RIT2: variants seen among roughly 807,000 people sequenced by gnomAD.
The protein encoded by RIT2 is GTP-binding protein Rit2.
RIT2 carries 24 observed loss-of-function variants against 23.7 expected under a neutral mutation model. The observed-to-expected ratio is 1.01, with a 90% CI of 0.73 to 1.43. The LOEUF is 1.43. Among genes scored for constraint, RIT2 ranks in the 40% most tolerant of loss-of-function variants. RIT2 has a pLI of 0.00. For synonymous variants in RIT2, 107 were observed against 91.1 expected, an observed-to-expected ratio of 1.17 and a Z score of -0.99; for missense variants, 236 against 266.9, an observed-to-expected ratio of 0.88 and a Z score of 0.81.
At chr18:42,906,000 ATATATACATATATATATATATG>A (rs1463367034) in intron 4 of RIT2, among the ~76,000 whole-genome samples, 256 of 1,970 alleles carry the variant, frequency 0.13, no homozygotes, top group African/African-American at 0.29. Flanking sequence ...ATGTATATAT[ATATATACATATATATATATATG>A]TATATATATA....
At chr18:43,025,635 T>C (rs1911699679) in intron 2 of RIT2, among the ~76,000 whole-genome samples, 1 of 152,090 alleles carries the variant, frequency 6.6e-6, no homozygotes, top group African/African-American at 2.4e-5. Context: ...CATATATATA[T>C]ATGCCATGAA....
intron 4 of RIT2, among the ~76,000 whole-genome samples, chr18:42,885,413 G>T (rs565796808): frequency 6.6e-6 from 1 of 152,116 alleles, no homozygotes; most frequent in African/African-American, 2.4e-5. Flanking sequence ...GTGAAACCCC[G>T]TCTTTACTAA....
chr18:42,869,065 T>C (rs1367186009), intron 4 of RIT2, among the ~76,000 whole-genome samples: 4 of 152,226 alleles, frequency 2.6e-5, no homozygotes, highest in East Asian at 1.9e-4. Flanking sequence ...TTAAATTTAG[T>C]CCTAATATCA....
intron 3 of RIT2, among the ~76,000 whole-genome samples, chr18:42,927,124 C>A (rs1050960564): frequency 2.6e-5 from 4 of 151,886 alleles, no homozygotes; most frequent in South Asian, 2.1e-4. Flanking sequence ...CAGAATAGAA[C>A]CTTTCACTGG....
At chr18:42,921,456 C>T (rs1909054425) in intron 4 of RIT2, among the ~76,000 whole-genome samples, 1 of 152,048 alleles carries the variant, frequency 6.6e-6, no homozygotes, top group South Asian at 2.1e-4. Flanking sequence ...GCTTGCAATT[C>T]ACTTCACTGC....
chr18:42,844,154 C>A (rs1436122557), intron 4 of RIT2, among the ~76,000 whole-genome samples: 1 of 152,126 alleles, frequency 6.6e-6, no homozygotes, highest in Non-Finnish European at 1.5e-5. Context: ...GACATAAGAG[C>A]AAGCTCTGTG....
intron 4 of RIT2, among the ~76,000 whole-genome samples, chr18:42,854,480 G>C (rs778462608): frequency 6.6e-6 from 1 of 152,126 alleles, no homozygotes; most frequent in Non-Finnish European, 1.5e-5. Context: ...TTTGTGTGGG[G>C]AGGTTTTAAG....
chr18:43,017,035 G>A (rs1911490776), intron 2 of RIT2, among the ~76,000 whole-genome samples: 1 of 151,890 alleles, frequency 6.6e-6, no homozygotes, highest in Non-Finnish European at 1.5e-5. Flanking sequence ...TTATGGATTA[G>A]GATCCTAGTT....
chr18:42,886,883 CTAA>C (rs764045776), intron 4 of RIT2, among the ~76,000 whole-genome samples: 1 of 152,016 alleles, frequency 6.6e-6, no homozygotes, highest in Non-Finnish European at 1.5e-5. Flanking sequence ...TAACAGAGTT[CTAA>C]TAATTTTCTT....
At chr18:42,779,928 T>C (rs756839070) in intron 4 of RIT2, among the ~76,000 whole-genome samples, 1 of 152,026 alleles carries the variant, frequency 6.6e-6, no homozygotes, top group African/African-American at 2.4e-5. Flanking sequence ...GAATAGTCAA[T>C]TTTGCTAGGT....
At chr18:42,754,632 A>C (rs1372691638) in intron 4 of RIT2, among the ~76,000 whole-genome samples, 2 of 152,146 alleles carry the variant, frequency 1.3e-5, no homozygotes, top group Non-Finnish European at 2.9e-5. Context: ...CATAGGCCTT[A>C]GTTGTTTGAT....
At chr18:42,804,508 T>C (rs111589740) in intron 4 of RIT2, among the ~76,000 whole-genome samples, 9,520 of 143,820 alleles carry the variant, frequency 0.066, 328 homozygotes, top group Middle Eastern at 0.096. Context: ...TGAGCTGAGA[T>C]TGCGCCACTG....
chr18:43,025,849 T>A (rs1015934422), intron 2 of RIT2, among the ~76,000 whole-genome samples: 35 of 151,364 alleles, frequency 2.3e-4, no homozygotes, highest in African/African-American at 7.8e-4. Flanking sequence ...GGTCGGGGGG[T>A]GTGAGGGATT....
intron 3 of RIT2, among the ~76,000 whole-genome samples, chr18:42,934,550 T>C (rs1321922955): frequency 1.3e-5 from 2 of 152,236 alleles, no homozygotes; most frequent in East Asian, 3.9e-4. Flanking sequence ...TGGATTCACT[T>C]GGGAAGTTAA....
intron 4 of RIT2, among the ~76,000 whole-genome samples, chr18:42,767,850 T>C (rs1301145501): frequency 1.3e-5 from 2 of 152,082 alleles, no homozygotes; most frequent in East Asian, 1.9e-4. Flanking sequence ...TTATCAGGGG[T>C]TTCCACTTTT....
At chr18:42,885,655 C>T in intron 4 of RIT2, among the ~76,000 whole-genome samples, 1 of 152,192 alleles carries the variant, frequency 6.6e-6, no homozygotes, top group South Asian at 2.1e-4. Context: ...TTTCATGGAT[C>T]TTTACTATTA....
At chr18:43,090,152 G>T (rs373111370) in intron 1 of RIT2, among the ~76,000 whole-genome samples, 2 of 151,184 alleles carry the variant, frequency 1.3e-5, no homozygotes, top group African/African-American at 4.8e-5. Context: ...TGACATAGAA[G>T]CTACAAAGAA....
At chr18:42,960,239 G>C (rs1910064878) in intron 3 of RIT2, among the ~76,000 whole-genome samples, 1 of 152,164 alleles carries the variant, frequency 6.6e-6, no homozygotes, top group African/African-American at 2.4e-5. Flanking sequence ...AACCTCTACA[G>C]AGCATGTAAA....
intron 3 of RIT2, chr18:42,948,993 G>A (rs60622190): frequency 0.017 from 6,752 of 397,644 alleles, 354 homozygotes; most frequent in African/African-American, 0.12. Context: ...TTACTTTTCA[G>A]TTCTTCTGAT....
Sources: allele counts gnomAD v4.1 joint callset (sites outside exome capture counted in the v4.1 genomes callset), GRCh38; gene constraint gnomAD v4.1.1; transcripts MANE v1.5; gene names NCBI Gene and HGNC (gene_info 2026-07-23, HGNC 2026-07-21).